INPP4B: variants seen among roughly 807,000 people sequenced by gnomAD.
INPP4B encodes inositol polyphosphate-4-phosphatase type II B.
In INPP4B, 55 loss-of-function variants were observed where a neutral mutation model predicts 122.5. The ratio of observed to expected loss-of-function variants is 0.45; its 90% confidence interval spans 0.36 to 0.56. The LOEUF (loss-of-function observed/expected upper bound fraction) is 0.56. Ranked by LOEUF, INPP4B falls within the 20% of genes least tolerant of loss-of-function variation. INPP4B has a pLI of 0.00. For missense variants in INPP4B, 1,000 were observed against 1,097.7 expected, an observed-to-expected ratio of 0.91 and a Z score of 1.26; for synonymous variants, 403 against 388.7, an observed-to-expected ratio of 1.04 and a Z score of -0.43.
chr4:142,537,449 G>T (rs1437776141), intron 2 of INPP4B, among the ~76,000 whole-genome samples: 35 of 113,238 alleles, frequency 3.1e-4, no homozygotes, highest in African/African-American at 7.6e-4. Context: ...GAGAGAGAGA[G>T]AGAGAGAGAG....
intron 2 of INPP4B, among the ~76,000 whole-genome samples, chr4:142,547,520 C>A (rs551141819): frequency 6.6e-6 from 1 of 152,112 alleles, no homozygotes; most frequent in Non-Finnish European, 1.5e-5. Context: ...AGAAAAGTGT[C>A]CTTCACCTTG....
intron 7 of INPP4B, among the ~76,000 whole-genome samples, chr4:142,324,780 GCTTTTTGGAAGC>G (rs985241088): frequency 5.3e-5 from 8 of 152,070 alleles, no homozygotes; most frequent in African/African-American, 1.9e-4. Flanking sequence ...CTTTCACTTT[GCTTTTTGGAAGC>G]CTTTGACCTG....
At chr4:142,824,106 C>T (rs1304507684) in intron 1 of INPP4B, among the ~76,000 whole-genome samples, 1 of 151,886 alleles carries the variant, frequency 6.6e-6, no homozygotes, top group African/African-American at 2.4e-5. Context: ...GGCCTTCAGA[C>T]TCTGGGACTT....
intron 23 of INPP4B, among the ~76,000 whole-genome samples, chr4:142,101,662 G>A (rs970809420): frequency 6.6e-6 from 1 of 152,078 alleles, no homozygotes; most frequent in African/African-American, 2.4e-5. Context: ...CACAATCTGT[G>A]TTATAAATGT....
chr4:142,261,741 C>T (rs544789388), intron 10 of INPP4B, among the ~76,000 whole-genome samples: 1 of 152,226 alleles, frequency 6.6e-6, no homozygotes, highest in South Asian at 2.1e-4. Context: ...GTATACGTTC[C>T]TCAAACATTT....
intron 2 of INPP4B, among the ~76,000 whole-genome samples, chr4:142,716,179 C>A (rs546482281): frequency 6.6e-6 from 1 of 152,156 alleles, no homozygotes. Context: ...GGGATGCCAA[C>A]GAGGTTCTGG....
At chr4:142,533,543 G>A (rs1040652294) in intron 2 of INPP4B, among the ~76,000 whole-genome samples, 3 of 152,148 alleles carry the variant, frequency 2.0e-5, no homozygotes, top group African/African-American at 7.2e-5. Flanking sequence ...AGTAGGAACT[G>A]CTGTTGACAT....
chr4:142,506,364 A>G (rs1824028043), intron 2 of INPP4B, among the ~76,000 whole-genome samples: 1 of 152,218 alleles, frequency 6.6e-6, no homozygotes, highest in South Asian at 2.1e-4. Flanking sequence ...TTCCTCACCT[A>G]TCACCAACTA....
chr4:142,806,436 A>T (rs2151105186), intron 1 of INPP4B, among the ~76,000 whole-genome samples: 1 of 152,032 alleles, frequency 6.6e-6, no homozygotes, highest in East Asian at 1.9e-4. Flanking sequence ...ACACTGCAGA[A>T]TAACGTCTTA....
intron 7 of INPP4B, among the ~76,000 whole-genome samples, chr4:142,337,559 A>T (rs1777092972): frequency 6.7e-6 from 1 of 150,068 alleles, no homozygotes; most frequent in African/African-American, 2.4e-5. Context: ...TCGATTCCCA[A>T]ATGTTTACTG....
intron 2 of INPP4B, among the ~76,000 whole-genome samples, chr4:142,570,111 A>C (rs1732491493): frequency 6.6e-6 from 1 of 152,122 alleles, no homozygotes; most frequent in Non-Finnish European, 1.5e-5. Context: ...ATACTTAAGA[A>C]GTCACATCAT....
chr4:142,644,889 G>A (rs1751394927), intron 2 of INPP4B, among the ~76,000 whole-genome samples: 1 of 110,986 alleles, frequency 9.0e-6, no homozygotes, highest in Non-Finnish European at 1.7e-5. Context: ...CTGAGTGACA[G>A]AGCAAGACTC....
At chr4:142,338,152 T>C (rs7666932) in intron 7 of INPP4B, among the ~76,000 whole-genome samples, 58,802 of 151,966 alleles carry the variant, frequency 0.39, 11,699 homozygotes, top group East Asian at 0.64. Context: ...CTAGTACTGA[T>C]GTATATGTAA....
chr4:142,207,114 G>A (rs1842896773), intron 14 of INPP4B, among the ~76,000 whole-genome samples: 1 of 152,032 alleles, frequency 6.6e-6, no homozygotes, highest in Admixed American at 6.6e-5. Context: ...CATCCATGTT[G>A]TCTCAAATGG....
intron 1 of INPP4B, among the ~76,000 whole-genome samples, chr4:142,784,686 G>T (rs1304009341): frequency 1.3e-5 from 2 of 151,998 alleles, no homozygotes; most frequent in Non-Finnish European, 1.5e-5. Flanking sequence ...TTACCTCCAG[G>T]AACCCAAACA....
chr4:142,571,627 A>C (rs929262890), intron 2 of INPP4B, among the ~76,000 whole-genome samples: 2 of 152,138 alleles, frequency 1.3e-5, no homozygotes, highest in African/African-American at 2.4e-5. Context: ...AAAAAGCAAA[A>C]AATAATTTTA....
intron 1 of INPP4B, among the ~76,000 whole-genome samples, chr4:142,806,905 A>C (rs1163324005): frequency 2.6e-5 from 4 of 152,172 alleles, no homozygotes; most frequent in African/African-American, 4.8e-5. Context: ...TCAAACATGA[A>C]GTCTCCCTAG....
At chr4:142,532,303 T>C (rs1319553484) in intron 2 of INPP4B, among the ~76,000 whole-genome samples, 1 of 152,166 alleles carries the variant, frequency 6.6e-6, no homozygotes, top group Non-Finnish European at 1.5e-5. Flanking sequence ...TTTCCAGGAA[T>C]AGCCCTGCTC....
At position 142,750,717 on chromosome 4, in the gene INPP4B, C is replaced by T. The variant is rs79293899; in HGVS notation, c.-253-24816G>A. Among the ~76,000 whole-genome samples, 983 of 152,154 alleles carry T rather than the reference C, an allele frequency of 6.5e-3. 4 individuals are homozygous for T. Among genetic ancestry groups the T allele is most frequent in the Non-Finnish European group, 0.01 (708 of 68,000 alleles). On this transcript the variant is annotated intron_variant, in intron 1 of 25. Coordinates refer to ENST00000262992, the MANE Select transcript of INPP4B (RefSeq NM_001101669.3). ...AGATTGAGGGGTCCAATTACAAGGG[C>T]CCCTTGGCAGATGGGTCTAATCAGA... is the stretch of plus-strand genomic sequence containing the variant.
Sources: allele counts gnomAD v4.1 joint callset (sites outside exome capture counted in the v4.1 genomes callset), GRCh38; gene constraint gnomAD v4.1.1; transcripts MANE v1.5; gene names NCBI Gene and HGNC (gene_info 2026-07-23, HGNC 2026-07-21).